The following MCM8 variants were observed in gnomAD, a reference collection of about 807,000 sequenced individuals.
The protein encoded by MCM8 is minichromosome maintenance 8 homologous recombination repair factor, also known as DNA helicase MCM8.
MCM8 carries 85 observed loss-of-function variants against 98.9 expected under a neutral mutation model. That is an observed-to-expected ratio of 0.86 (90% CI 0.72 to 1.03). The LOEUF (loss-of-function observed/expected upper bound fraction) is 1.03. MCM8 is among the 50% of genes least tolerant of loss of function. The probability of loss-of-function intolerance (pLI) is 0.00; values close to 1 mark genes in which losing one functional copy is unlikely to be tolerated. For synonymous variants in MCM8, 352 were observed against 338.6 expected, an observed-to-expected ratio of 1.04 and a Z score of -0.44; for missense variants, 951 against 997.8, an observed-to-expected ratio of 0.95 and a Z score of 0.63.
intron 16 of MCM8, among the ~76,000 whole-genome samples, chr20:5,986,659 A>G (rs1303596905): frequency 6.6e-6 from 1 of 152,206 alleles, no homozygotes; most frequent in Non-Finnish European, 1.5e-5. Context: ...GTTTTACCAT[A>G]TTGGTTAGGT....
intron 14 of MCM8, among the ~76,000 whole-genome samples, chr20:5,983,596 A>G (rs1336165831): frequency 2.0e-5 from 3 of 152,172 alleles, no homozygotes; most frequent in South Asian, 2.1e-4. Flanking sequence ...GCTACTTGGG[A>G]GGCTGAGGCA....
Position 5,986,058 on chromosome 20 carries a change from G to A in MCM8, c.2090G>A (p.Arg697Gln), listed in dbSNP as rs144824405. Residue 697 changes from arginine (R) to glutamine (Q), a missense_variant, in exon 16 of 19, where the codon CGG (arginine) becomes CAG (glutamine). Transcript: ENST00000610722. ...CTTCAAGATTTTTACCTTGAGCTCC[G>A]GAAACAGAGCCAGAGGTTAAATAGC... is the stretch of plus-strand genomic sequence containing the variant. ...RVLQDFYLEL[R>Q]KQSQRLNSSP... The A allele has an allele frequency of 1.5e-5, 24 of 1,614,026 alleles. No individual in the cohort carries two copies. Among genetic ancestry groups the A allele is most frequent in the Non-Finnish European group, 1.8e-5 (21 of 1,180,036 alleles).
At position 5,967,768 on chromosome 20, in the gene MCM8, G is replaced by A. The variant is rs1469588380; in HGVS notation, c.1028-62G>A. 4.2e-6 allele frequency: 6 copies of A among 1,425,336 alleles called. No individual in the cohort carries two copies. In the South Asian group the frequency reaches 5.4e-5, roughly 13 times the overall value. The allele number at this position is 1,425,336 out of a possible 1,614,324, so 88.3% of individuals were successfully genotyped here. A position where few individuals can be genotyped will look rare whatever the true frequency, so the allele number is the denominator to read the frequency against. ...CCCTATGACTTTGTTTTATATTCTA[G>A]TTGAGTCATTGTAGGGAAAATGAAA... On this transcript the variant is annotated intron_variant, in intron 9 of 18. Transcript: ENST00000610722.
Position 5,994,820 on chromosome 20 carries a change from G to A in MCM8, c.*429G>A. The A allele has an allele frequency of 2.4e-6, 1 of 416,220 alleles. No individual in the cohort carries two copies. Among genetic ancestry groups the A allele is most frequent in the Non-Finnish European group, 4.8e-6 (1 of 210,188 alleles). 25.8% of individuals were successfully genotyped at this position (416,220 alleles called of 1,614,324 possible). ...GCTACTTGTGAGGCTGAGGCAGGAG[G>A]ATTCTTTGAGCCCAGGAGTTTGAGG... On this transcript the variant is annotated 3_prime_UTR_variant, in exon 19 of 19. Transcript: ENST00000610722.
chr20:5,978,462 T>C (rs1488594661), intron 13 of MCM8, among the ~76,000 whole-genome samples: 1 of 152,218 alleles, frequency 6.6e-6, no homozygotes. Context: ...GTTACTATGA[T>C]TTAGCTCTAA....
At chr20:5,994,272 G>A (rs746590862) in intron 18 of MCM8, 27 bp from the exon 19 acceptor site, 24 of 1,404,386 alleles carry the variant, frequency 1.7e-5, no homozygotes, top group Non-Finnish European at 2.3e-5. Flanking sequence ...TACTTAATGG[G>A]CTAAACCTTT....
intron 17 of MCM8, among the ~76,000 whole-genome samples, chr20:5,989,113 C>T (rs1039610399): frequency 9.5e-6 from 1 of 105,308 alleles, no homozygotes; most frequent in Non-Finnish European, 1.7e-5. Context: ...CTATCAATAG[C>T]GCAAGTCTTT....
Position 5,958,644 on chromosome 20 carries a change from C to A in MCM8, c.707C>A (p.Thr236Asn), listed in dbSNP as rs778767096. 1.2e-6 allele frequency: 2 copies of A among 1,614,104 alleles called. No individual in the cohort carries two copies. The highest frequency in any genetic ancestry group is 1.7e-6 in the Non-Finnish European group (2 of 1,179,996). ...VRVSNIKPLC[T>N]KMAFLCAACG... ...GTCAGTAATATAAAGCCTCTTTGCA[C>A]CAAGATGGCTTTTCTTTGTGCTGCA... The change falls in exon 7 of 19, where the codon ACC (threonine) becomes AAC (asparagine). Residue 236 changes from threonine (T) to asparagine (N), a missense_variant. Coordinates refer to ENST00000610722, the MANE Select transcript of MCM8 (RefSeq NM_032485.6).
intron 5 of MCM8, among the ~76,000 whole-genome samples, chr20:5,956,678 G>A (rs1313804529): frequency 1.3e-5 from 2 of 152,196 alleles, no homozygotes; most frequent in Admixed American, 6.5e-5. Context: ...ACAGGTGTGA[G>A]CCACTGCGCC....
At chr20:5,985,601 A>G (rs45537733) in intron 15 of MCM8, among the ~76,000 whole-genome samples, 5,317 of 151,724 alleles carry the variant, frequency 0.035, 124 homozygotes, top group Middle Eastern at 0.1. Flanking sequence ...GCTGGAGTGC[A>G]GTGGTGTGAT....
intron 10 of MCM8, 49 bp downstream of exon 10, chr20:5,968,074 GTTCTC>G: frequency 6.6e-7 from 1 of 1,521,036 alleles, no homozygotes; most frequent in Non-Finnish European, 8.9e-7. Flanking sequence ...CATGTTGGGG[GTTCTC>G]TTGGCTACAG....
At chr20:5,960,901 C>T (rs2089126181) in intron 7 of MCM8, among the ~76,000 whole-genome samples, 1 of 152,228 alleles carries the variant, frequency 6.6e-6, no homozygotes, top group Admixed American at 6.5e-5. Context: ...CGCCATTGCA[C>T]TCCAGCTTGG....
At position 5,972,002 on chromosome 20, in the gene MCM8, T is replaced by C. The variant is rs752270038; in HGVS notation, c.1224-5T>C. On this transcript the variant is annotated splice_polypyrimidine_tract_variant and splice_region_variant and intron_variant, in intron 10 of 18. Coordinates refer to ENST00000610722, the MANE Select transcript of MCM8 (RefSeq NM_032485.6). The stretch of plus-strand genomic sequence containing the variant: ...AGAATTTATAAGTTGTGTTCTGTTT[T>C]TCAGCTCGCTTTGCCCTGTCATTTT... 6.2e-7 allele frequency: 1 copy of C among 1,611,074 alleles called. No individual in the cohort carries two copies. Among genetic ancestry groups the C allele is most frequent in the Non-Finnish European group, 8.5e-7 (1 of 1,178,362 alleles).
chr20:5,959,434 G>A (rs1425703605), intron 7 of MCM8, among the ~76,000 whole-genome samples: 1 of 152,052 alleles, frequency 6.6e-6, no homozygotes, highest in Non-Finnish European at 1.5e-5. Flanking sequence ...TTGTGTTTAC[G>A]TAAATGGTAT....
In MCM8 at chr20:5,993,618, A is replaced by G; in HGVS notation, c.2353A>G (p.Asn785Asp). The G allele has an allele frequency of 6.2e-7, 1 of 1,612,372 alleles. No individual in the cohort carries two copies. The highest frequency in any genetic ancestry group is 1.3e-5 in the African/African-American group (1 of 75,032). ...GAAAAGATTTATTTCTGCTCTCAAC[A>G]ACGTTGCTGAAAGAACTTATAATAA... The part of the protein sequence containing the change: ...TAKRFISALN[N>D]VAERTYNNIF... The change falls in exon 18 of 19, where the codon AAC (asparagine) becomes GAC (aspartate). Residue 785 changes from asparagine to aspartate, a missense_variant. Asn to Asp is a conservative substitution (Grantham distance 23). Transcript: ENST00000610722.
intron 14 of MCM8, 140 bp downstream of exon 14, chr20:5,983,305 T>C: frequency 1.4e-6 from 1 of 726,724 alleles, no homozygotes; most frequent in Non-Finnish European, 2.2e-6. Flanking sequence ...TGCACAAAAA[T>C]GTGCTTAAAC....
intron 3 of MCM8, among the ~76,000 whole-genome samples, chr20:5,953,856 G>T (rs2088900872): frequency 6.6e-6 from 1 of 151,962 alleles, no homozygotes; most frequent in Non-Finnish European, 1.5e-5. Context: ...TAGTCATTTT[G>T]TGAATGAATA....
intron 12 of MCM8, among the ~76,000 whole-genome samples, chr20:5,973,714 G>T (rs1489308916): frequency 6.6e-6 from 1 of 151,546 alleles, no homozygotes; most frequent in Admixed American, 6.6e-5. Context: ...GAGTGCAGTG[G>T]CATGATCTGG....
At chr20:5,987,061 A>G (rs1444796462) in intron 16 of MCM8, among the ~76,000 whole-genome samples, 2 of 152,192 alleles carry the variant, frequency 1.3e-5, no homozygotes, top group African/African-American at 4.8e-5. Context: ...TCCTGGGCTC[A>G]AGTGATCCTC....
Sources: gnomAD v4.1 joint callset for allele counts (sites outside exome capture counted in the v4.1 genomes callset) on GRCh38, gnomAD v4.1.1 for gene constraint, MANE v1.5 for transcripts, NCBI Gene and HGNC (gene_info 2026-07-23, HGNC 2026-07-21) for gene names.